Variants in CCDC30 observed in about 807,000 individuals in gnomAD.
CCDC30 encodes the protein coiled-coil domain-containing protein 30.
Under a neutral mutation model 100.2 loss-of-function variants are expected in CCDC30, and 70 were observed. The ratio of observed to expected loss-of-function variants is 0.70; its 90% CI spans 0.58 to 0.85. The LOEUF (loss-of-function observed/expected upper bound fraction) is 0.85, where lower values mean the gene tolerates loss of function less well. Ranked by LOEUF, CCDC30 falls within the 40% of genes least tolerant of loss-of-function variation. The pLI is 0.00. For synonymous variants in CCDC30, 233 were observed against 269.5 expected (o/e 0.86, Z 1.33); for missense variants, 652 against 771.2 (o/e 0.85, Z 1.83).
Position 42,577,245 on chromosome 1 carries a change from C to CT in CCDC30, c.846+18dup. Reference sequence around the variant, plus strand: ...AGAGGAAAAGGTAATTATCCTCATGCTTAATAAACAGCATACACTGAATAC... The same window carrying CT: ...AGAGGAAAAGGTAATTATCCTCATGCTTTAATAAACAGCATACACTGAATAC... On this transcript the variant is annotated intron_variant, in intron 8 of 16. Coordinates refer to ENST00000668663, the Ensembl canonical transcript of CCDC30. 1 of 1,534,376 alleles carries CT rather than the reference C, an allele frequency of 6.5e-7. No homozygotes were observed. The highest frequency in any genetic ancestry group is 9.0e-7 in the Non-Finnish European group (1 of 1,108,398).
At chr1:42,516,538 C>A (rs1214393272) in intron 6 of CCDC30, among the ~76,000 whole-genome samples, 1 of 141,934 alleles carries the variant, frequency 7.0e-6, no homozygotes, top group Admixed American at 7.5e-5. Flanking sequence ...CTGCACTGCA[C>A]TGCAGCCTGG....
intron 1 of CCDC30, among the ~76,000 whole-genome samples, chr1:42,476,550 T>C (rs1643883610): frequency 6.6e-6 from 1 of 151,868 alleles, no homozygotes; most frequent in Admixed American, 6.6e-5. Context: ...ATTAGCCGGA[T>C]GTGGTGGTTC....
At chr1:42,582,578 A>AT (rs1645989706) in intron 9 of CCDC30, among the ~76,000 whole-genome samples, 1 of 152,142 alleles carries the variant, frequency 6.6e-6, no homozygotes, top group African/African-American at 2.4e-5. Context: ...TTTCCCAGGG[A>AT]TTTTTTAAAA....
At chr1:42,621,970 G>A (rs1384014183) in intron 11 of CCDC30, among the ~76,000 whole-genome samples, 1 of 152,074 alleles carries the variant, frequency 6.6e-6, no homozygotes, top group Non-Finnish European at 1.5e-5. Context: ...ATTTTTAAAT[G>A]TACAATCTAA....
chr1:42,615,956 C>T (rs769144011), intron 11 of CCDC30, among the ~76,000 whole-genome samples: 2 of 151,838 alleles, frequency 1.3e-5, no homozygotes, highest in Admixed American at 6.6e-5. Context: ...CGCTCTGTCA[C>T]CTAGGCTGGA....
At chr1:42,600,628 G>A (rs898707054) in intron 10 of CCDC30, among the ~76,000 whole-genome samples, 1 of 152,070 alleles carries the variant, frequency 6.6e-6, no homozygotes, top group Non-Finnish European at 1.5e-5. Flanking sequence ...GTTTGGCTCT[G>A]TGTCCCCACC....
intron 6 of CCDC30, among the ~76,000 whole-genome samples, chr1:42,554,759 A>C (rs1343263846): frequency 6.6e-6 from 1 of 152,166 alleles, no homozygotes; most frequent in Non-Finnish European, 1.5e-5. Flanking sequence ...TAACCATTGA[A>C]GGTGCATTCC....
intron 3 of CCDC30, among the ~76,000 whole-genome samples, chr1:42,487,499 C>T (rs1171664374): frequency 1.3e-5 from 2 of 152,084 alleles, no homozygotes; most frequent in Admixed American, 1.3e-4. Context: ...GGTCCCAAAC[C>T]AACTGACTTT....
At chr1:42,459,039 T>G (rs1180503790), upstream of CCDC30, among the ~76,000 whole-genome samples, 7 of 152,254 alleles carry the variant, frequency 4.6e-5, no homozygotes, top group African/African-American at 1.7e-4. Flanking sequence ...TGAGAAAATA[T>G]TAATGGTGGT....
chr1:42,588,946 G>A (rs1170674726), intron 9 of CCDC30, among the ~76,000 whole-genome samples: 2 of 151,412 alleles, frequency 1.3e-5, no homozygotes, highest in African/African-American at 4.8e-5. Flanking sequence ...AATAGTGCTT[G>A]TAACTAACAT....
chr1:42,534,808 C>T (rs1291965674), intron 6 of CCDC30: 2 of 152,078 alleles, frequency 1.3e-5, no homozygotes, highest in African/African-American at 4.8e-5. Flanking sequence ...AGGGCTACTA[C>T]CTCAGAAGAA....
intron 4 of CCDC30, among the ~76,000 whole-genome samples, chr1:42,496,471 T>TAC (rs1433634307): frequency 6.6e-6 from 1 of 151,884 alleles, no homozygotes. Context: ...TATAAATATA[T>TAC]ATATATAAAT....
At chr1:42,513,440 G>T (rs998931231) in intron 6 of CCDC30, among the ~76,000 whole-genome samples, 1 of 152,092 alleles carries the variant, frequency 6.6e-6, no homozygotes. Context: ...CTTGGCCAGC[G>T]CCATCTTGTC....
chr1:42,589,343 G>A, exon 10 of CCDC30: 1 of 1,609,130 alleles, frequency 6.2e-7, no homozygotes, highest in Non-Finnish European at 8.5e-7. Flanking sequence ...TCAGAACGTA[G>A]ATGAGTTACA....
chr1:42,542,275 A>G (rs2148528760), intron 6 of CCDC30, among the ~76,000 whole-genome samples: 1 of 152,318 alleles, frequency 6.6e-6, no homozygotes, highest in Admixed American at 6.5e-5. Context: ...AATTCAGAAT[A>G]CCTAGAAAAT....
At chr1:42,462,607 C>G (rs1365353353), upstream of CCDC30, among the ~76,000 whole-genome samples, 1 of 152,120 alleles carries the variant, frequency 6.6e-6, no homozygotes, top group Non-Finnish European at 1.5e-5. Flanking sequence ...CAAAACATGA[C>G]TAAAATCGAG....
intron 6 of CCDC30, 113 bp downstream of exon 8, chr1:42,539,423 T>C: frequency 1.1e-6 from 1 of 943,972 alleles, no homozygotes; most frequent in Non-Finnish European, 1.5e-6. Flanking sequence ...GAGTTTCTTC[T>C]ATTATTATAG....
At chr1:42,610,844 G>T in intron 10 of CCDC30, 134 bp from the exon 15 acceptor site, 1 of 522,778 alleles carries the variant, frequency 1.9e-6, no homozygotes, top group Middle Eastern at 4.1e-4. Flanking sequence ...CAGGAATCCC[G>T]TGAAGCTACT....
intron 1 of CCDC30, among the ~76,000 whole-genome samples, chr1:42,466,375 T>G (rs1430231547): frequency 6.6e-6 from 1 of 152,208 alleles, no homozygotes; most frequent in Non-Finnish European, 1.5e-5. Context: ...CTCTTCTCGT[T>G]TAAAATTCTT....
Sources: allele counts gnomAD v4.1 joint callset (sites outside exome capture counted in the v4.1 genomes callset), GRCh38; gene constraint gnomAD v4.1.1; transcripts MANE v1.5; gene names NCBI Gene and HGNC (gene_info 2026-07-23, HGNC 2026-07-21).